ZWILCH: variants seen among roughly 807,000 people sequenced by gnomAD.
ZWILCH encodes the protein protein zwilch homolog.
ZWILCH carries 74 observed loss-of-function variants against 79.9 expected under a neutral mutation model. The ratio of observed to expected loss-of-function variants is 0.93; its 90% CI spans 0.77 to 1.12. ZWILCH has a LOEUF of 1.12. ZWILCH is among the 50% of genes most tolerant of loss of function. The pLI, the probability that ZWILCH is intolerant of heterozygous loss-of-function variation, is 0.00. For synonymous variants in ZWILCH, 241 were observed against 228.2 expected, an observed-to-expected ratio of 1.06 and a Z score of -0.51; for missense variants, 694 against 687.5, an observed-to-expected ratio of 1.01 and a Z score of -0.11.
At chr15:66,519,516 G>A (rs981880960) in intron 5 of ZWILCH, among the ~76,000 whole-genome samples, 2 of 152,132 alleles carry the variant, frequency 1.3e-5, no homozygotes, top group African/African-American at 2.4e-5. Context: ...GTGCAGTGGC[G>A]CGATCTCGGC....
chr15:66,540,217 A>T lies in ZWILCH; in HGVS notation c.1687+7A>T. ...CTGAATTTTCACAAACCTGGTAAAG[A>T]TGGTTTATAATCTGTTCAGATAAAT... On this transcript the variant is annotated splice_region_variant and intron_variant, in intron 17 of 18. Coordinates refer to ENST00000307897, the MANE Select transcript of ZWILCH (RefSeq NM_017975.5). 6.3e-7 allele frequency: 1 copy of T among 1,590,488 alleles called. No homozygotes were observed. Among genetic ancestry groups the T allele is most frequent in the South Asian group, 1.1e-5 (1 of 90,252 alleles).
chr15:66,541,605 A>G (rs1403927765), intron 17 of ZWILCH, among the ~76,000 whole-genome samples: 2 of 152,188 alleles, frequency 1.3e-5, no homozygotes, highest in African/African-American at 2.4e-5. Flanking sequence ...GATGGTCCAT[A>G]TTAGGCAAAG....
At chr15:66,516,937 T>A (rs1406466817) in intron 4 of ZWILCH, among the ~76,000 whole-genome samples, 1 of 152,224 alleles carries the variant, frequency 6.6e-6, no homozygotes, top group Non-Finnish European at 1.5e-5. Flanking sequence ...TTTGTGTGGG[T>A]TGATTCATGC....
intron 2 of ZWILCH, among the ~76,000 whole-genome samples, chr15:66,510,203 A>T (rs1389831628): frequency 2.1e-5 from 3 of 146,292 alleles, no homozygotes; most frequent in Non-Finnish European, 4.5e-5. Context: ...ATAAAATAAA[A>T]TAAATAAAAT....
chr15:66,516,867 G>A (rs1894281838), intron 4 of ZWILCH, among the ~76,000 whole-genome samples: 1 of 151,992 alleles, frequency 6.6e-6, no homozygotes, highest in South Asian at 2.1e-4. Context: ...AGTCATATTT[G>A]GCCTGTTTTC....
Position 66,530,457 on chromosome 15 carries a change from A to C in ZWILCH, c.1155+884A>C, listed in dbSNP as rs543838632. ...TCGAGACCAGCCTGGCCAATATGGT[A>C]AAACCCTGCCTCTACTGAAAATCAA... On this transcript the variant is annotated intron_variant, in intron 12 of 18. Transcript: ENST00000307897. Among the ~76,000 whole-genome samples the C allele has an allele frequency of 6.6e-5, 10 of 152,202 alleles. No individual in the cohort carries two copies. The South Asian group carries it at 2.1e-3, about 32-fold the overall frequency.
At chr15:66,524,868 A>G (rs1186207488) in intron 8 of ZWILCH, among the ~76,000 whole-genome samples, 1 of 152,028 alleles carries the variant, frequency 6.6e-6, no homozygotes, top group Non-Finnish European at 1.5e-5. Context: ...GCGGGCCTCC[A>G]TCATACTTTT....
chr15:66,540,116 G>C lies in ZWILCH; in HGVS notation c.1593G>C (p.Trp531Cys), dbSNP rs1294300632. The C allele has an allele frequency of 6.2e-7, 1 of 1,610,900 alleles. No individual in the cohort carries two copies. The highest frequency in any genetic ancestry group is 1.1e-5 in the South Asian group (1 of 90,760). The change falls in exon 17 of 19, where the codon TGG (tryptophan) becomes TGC (cysteine). Residue 531 changes from tryptophan (W) to cysteine (C), a missense_variant. Coordinates refer to ENST00000307897, the MANE Select transcript of ZWILCH (RefSeq NM_017975.5). ...NLYQSEKPQK[W>C]RVEIYSGQKK... ...TCCTTAGTGAGAAGCCACAGAAATGGAGAGTGGAAATATATAGTGGTCAAA... is the reference window on the plus strand; with the variant it reads ...TCCTTAGTGAGAAGCCACAGAAATGCAGAGTGGAAATATATAGTGGTCAAA...
Position 66,515,581 on chromosome 15 carries a change from C to T in ZWILCH, c.257C>T (p.Ala86Val). The change falls in exon 4 of 19, where the codon GCC (alanine) becomes GTC (valine). Residue 86 changes from alanine (A) to valine (V), a missense_variant. Transcript: ENST00000307897. ...GAAGAACTTCAATCTGAAGAAACTG[C>T]CATATCTGATTTCTCTACTGGCGAA... ...HIEELQSEET[A>V]ISDFSTGENV... 1 of 1,613,100 alleles carries T rather than the reference C, an allele frequency of 6.2e-7. No individual in the cohort carries two copies. Among genetic ancestry groups the T allele is most frequent in the Non-Finnish European group, 8.5e-7 (1 of 1,179,766 alleles).
At chr15:66,546,366 C>CT (rs1282670824) in intron 17 of ZWILCH, among the ~76,000 whole-genome samples, 1 of 152,080 alleles carries the variant, frequency 6.6e-6, no homozygotes, top group African/African-American at 2.4e-5. Context: ...AAAAAATAAC[C>CT]TGCTTCATTT....
intron 2 of ZWILCH, among the ~76,000 whole-genome samples, chr15:66,510,635 A>G (rs1894024488): frequency 6.6e-6 from 1 of 152,174 alleles, no homozygotes. Context: ...CAAATTAGGC[A>G]GCTTCAAACA....
intron 14 of ZWILCH, 31 bp from the exon 15 acceptor site, chr15:66,535,902 T>A: frequency 6.3e-7 from 1 of 1,575,956 alleles, no homozygotes; most frequent in Non-Finnish European, 8.6e-7. Flanking sequence ...GTGCTTTAAA[T>A]CTCTATTTTG....
rs988671132 is a variant in ZWILCH, at chr15:66,518,927, T to C, written c.369T>C (p.His123=). The C allele has an allele frequency of 6.2e-7, 1 of 1,614,096 alleles. No individual in the cohort carries two copies. The highest frequency in any genetic ancestry group is 1.3e-5 in the African/African-American group (1 of 74,946). ...TGGCTCACAATCCTAATATGACCCA[T>C]TTGAAGATTAATCTGCCAGTTACTG... ...YTMAHNPNMT[H]LKINLPVTAL... The change falls in exon 5 of 19, where the codon CAT becomes CAC. Residue 123 remains histidine, a synonymous_variant. Transcript: ENST00000307897.
chr15:66,521,150 G>A lies in ZWILCH; in HGVS notation c.692G>A (p.Trp231Ter). ...ACTGCGATCGCTTTGGATATTTCCT[G>A]GAGTCCTGTGGATGAGATTCTTCAA... ...SQTAIALDIS[W>*]SPVDEILQIP... The change falls in exon 7 of 19, where the codon TGG becomes TAG. Residue 231 changes from tryptophan to a stop codon, truncating the protein, a stop_gained. Transcript: ENST00000307897. LOFTEE classifies it high-confidence loss of function. The A allele has an allele frequency of 6.2e-7, 1 of 1,613,876 alleles. No individual in the cohort carries two copies. The highest frequency in any genetic ancestry group is 8.5e-7 in the Non-Finnish European group (1 of 1,180,016).
At chr15:66,521,753 C>T (rs1347144226) in intron 7 of ZWILCH, among the ~76,000 whole-genome samples, 1 of 152,142 alleles carries the variant, frequency 6.6e-6, no homozygotes, top group Non-Finnish European at 1.5e-5. Flanking sequence ...CTCCACCTCC[C>T]AAAGTGGCTC....
chr15:66,538,963 T>G (rs1555426072), intron 16 of ZWILCH, among the ~76,000 whole-genome samples: 1 of 152,162 alleles, frequency 6.6e-6, no homozygotes, highest in Non-Finnish European at 1.5e-5. Flanking sequence ...AATTCATAAC[T>G]CACATCTCCA....
At chr15:66,532,799 G>A (rs1227139895) in intron 13 of ZWILCH, among the ~76,000 whole-genome samples, 186 bp from the exon 14 acceptor site, 1 of 151,630 alleles carries the variant, frequency 6.6e-6, no homozygotes, top group African/African-American at 2.4e-5. Context: ...AGGAAACTTG[G>A]CCTTTTGTGA....
At chr15:66,537,123 C>T (rs1406242304) in intron 15 of ZWILCH, 45 bp from the exon 16 acceptor site, 6 of 1,501,650 alleles carry the variant, frequency 4.0e-6, no homozygotes, top group South Asian at 1.1e-5. Flanking sequence ...AACGTTATGT[C>T]AAATGGCTCT....
intron 2 of ZWILCH, among the ~76,000 whole-genome samples, chr15:66,511,881 C>T (rs1426540839): frequency 6.6e-6 from 1 of 152,106 alleles, no homozygotes; most frequent in Non-Finnish European, 1.5e-5. Context: ...TCCCAAAGTG[C>T]TGGGATTACA....
Sources: gnomAD v4.1 joint callset for allele counts (sites outside exome capture counted in the v4.1 genomes callset) on GRCh38, gnomAD v4.1.1 for gene constraint, MANE v1.5 for transcripts, NCBI Gene and HGNC (gene_info 2026-07-23, HGNC 2026-07-21) for gene names.